PDE9A: variants seen among roughly 807,000 people sequenced by gnomAD.
The protein encoded by PDE9A is phosphodiesterase 9A, also known as high affinity cGMP-specific 3',5'-cyclic phosphodiesterase 9A.
PDE9A carries 60 observed loss-of-function variants against 87.4 expected under a neutral mutation model. That is an observed-to-expected ratio of 0.69 (90% CI 0.56 to 0.85). The LOEUF (loss-of-function observed/expected upper bound fraction) is 0.85. Among genes scored for constraint, PDE9A ranks in the 40% least tolerant of loss-of-function variants. PDE9A has a pLI of 0.00. For synonymous variants in PDE9A, 272 were observed against 279.4 expected (o/e 0.97, Z 0.27); for missense variants, 665 against 779.0 (o/e 0.85, Z 1.74).
intron 1 of PDE9A, among the ~76,000 whole-genome samples, chr21:42,684,118 G>A (rs147607531): frequency 5.8e-4 from 88 of 152,372 alleles, no homozygotes; most frequent in Middle Eastern, 3.4e-3. Context: ...GACCCACTGC[G>A]TGGGAATCCC....
intron 1 of PDE9A, among the ~76,000 whole-genome samples, chr21:42,681,129 C>A (rs1259874907): frequency 1.3e-5 from 2 of 152,226 alleles, no homozygotes; most frequent in African/African-American, 4.8e-5. Flanking sequence ...CTCACAGCCC[C>A]AAGGGGCAGG....
At chr21:42,674,593 CCCAGGAGGGG>C (rs2058744525) in intron 1 of PDE9A, among the ~76,000 whole-genome samples, 1 of 152,142 alleles carries the variant, frequency 6.6e-6, no homozygotes, top group Non-Finnish European at 1.5e-5. Flanking sequence ...CCCTTCCCTT[CCCAGGAGGGG>C]CCCCGCCTTG....
intron 8 of PDE9A, among the ~76,000 whole-genome samples, chr21:42,748,230 C>T (rs1298782475): frequency 6.6e-6 from 1 of 152,192 alleles, no homozygotes; most frequent in African/African-American, 2.4e-5. Flanking sequence ...TTTAACTACG[C>T]AGAAAACGTT....
intron 4 of PDE9A, among the ~76,000 whole-genome samples, chr21:42,710,637 G>C (rs2049246428): frequency 6.6e-6 from 1 of 152,154 alleles, no homozygotes; most frequent in Non-Finnish European, 1.5e-5. Flanking sequence ...TGTTGAACAT[G>C]TTGCTATGTC....
In PDE9A at chr21:42,670,641, AAACT is replaced by A. The variant is rs968743369; in HGVS notation, c.70-15549_70-15546del. ...CACATTCACACACACATACACTTAC[AAACT>A]ATCATTCACACACATACACACATAC... On this transcript the variant is annotated intron_variant, in intron 1 of 19. Transcript: ENST00000291539. 1.4e-4 allele frequency among the ~76,000 whole-genome samples: 21 copies of A among 151,516 alleles called. 1 individual carries two copies. The highest frequency in any genetic ancestry group is 3.9e-4 in the East Asian group (2 of 5,164).
rs115626446 is a variant in PDE9A at position 42,655,022 on chromosome 21, G to A, written c.69+1139G>A. Among the ~76,000 whole-genome samples, 1,229 of 152,278 alleles carry A rather than the reference G, an allele frequency of 8.1e-3. 14 individuals are homozygous for A. Among genetic ancestry groups the A allele is most frequent in the African/African-American group, 0.029 (1,186 of 41,544 alleles). The stretch of plus-strand genomic sequence containing the variant: ...ACTCCAGGACTAGGCGTCTGCAATT[G>A]CATGGGACTGTAACAGCCTCCTTTC... On this transcript the variant is annotated intron_variant, in intron 1 of 19. Transcript: ENST00000291539.
At chr21:42,729,974 C>T (rs557620874) in intron 4 of PDE9A, among the ~76,000 whole-genome samples, 15 of 152,322 alleles carry the variant, frequency 9.8e-5, no homozygotes, top group African/African-American at 3.4e-4. Flanking sequence ...ACATAGCACT[C>T]TGCTGCTGTT....
At chr21:42,687,827 T>G in intron 2 of PDE9A, 90 bp from the exon 3 acceptor site, 1 of 1,125,096 alleles carries the variant, frequency 8.9e-7, no homozygotes, top group Middle Eastern at 2.0e-4. Context: ...CTGTCCTGGT[T>G]GTCTCAGGGC....
At chr21:42,701,405 G>A (rs1188352995) in intron 4 of PDE9A, among the ~76,000 whole-genome samples, 1 of 149,498 alleles carries the variant, frequency 6.7e-6, no homozygotes, top group Non-Finnish European at 1.5e-5. Context: ...GCTTTTGTCT[G>A]AAAAAGCTTT....
chr21:42,714,615 T>A (rs544427105), intron 4 of PDE9A, among the ~76,000 whole-genome samples: 4 of 150,062 alleles, frequency 2.7e-5, no homozygotes, highest in South Asian at 2.1e-4. Context: ...CTACCAGTCT[T>A]TGTTGATATG....
intron 17 of PDE9A, among the ~76,000 whole-genome samples, chr21:42,769,722 A>ACACGTG (rs2056846585): frequency 6.7e-6 from 1 of 148,788 alleles, no homozygotes; most frequent in Non-Finnish European, 1.5e-5. Context: ...ACACGCAGGC[A>ACACGTG]CACACGTACA....
chr21:42,694,179 C>G lies in PDE9A; in HGVS notation c.219-4789C>G, dbSNP rs1430493665. ...CAGCCCTCTCCCTCTAGCTCAGAAG[C>G]TACGTCAGCAGTTGGTTGGTTGGTT... On this transcript the variant is annotated intron_variant, in intron 3 of 19. Coordinates refer to ENST00000291539, the MANE Select transcript of PDE9A (RefSeq NM_002606.3). This position sits in a 1 kb window ranked among gnomAD's most constrained non-coding sequence, Gnocchi z 5.3. 6.6e-6 allele frequency among the ~76,000 whole-genome samples: 1 copy of G among 152,190 alleles called. No homozygotes were observed. Among genetic ancestry groups the G allele is most frequent in the Admixed American group, 6.5e-5 (1 of 15,288 alleles).
At chr21:42,661,327 C>A (rs1055159925) in intron 1 of PDE9A, among the ~76,000 whole-genome samples, 4 of 144,802 alleles carry the variant, frequency 2.8e-5, no homozygotes, top group African/African-American at 5.7e-5. Context: ...CCACGCCCAG[C>A]CTTTTTTTTT....
At chr21:42,728,037 T>A (rs2051320156) in intron 4 of PDE9A, among the ~76,000 whole-genome samples, 2 of 152,170 alleles carry the variant, frequency 1.3e-5, no homozygotes, top group South Asian at 4.1e-4. Context: ...GTGTTCCATA[T>A]CCATATATCC....
Position 42,739,903 on chromosome 21 carries a change from A to G in PDE9A, c.569-3873A>G, listed in dbSNP as rs1240674773. ...TTATTTATCCTGCTCAGTATGATAA[A>G]TAGCATTTTCCTCGGGGGATAAAAA... On this transcript the variant is annotated intron_variant, in intron 7 of 19. Transcript: ENST00000291539. This position sits in a 1 kb window ranked among gnomAD's most constrained non-coding sequence, Gnocchi z 4.1. 6.6e-6 allele frequency among the ~76,000 whole-genome samples: 1 copy of G among 152,224 alleles called. No homozygotes were observed. The highest frequency in any genetic ancestry group is 1.5e-5 in the Non-Finnish European group (1 of 68,036).
At chr21:42,754,157 C>T in intron 10 of PDE9A, 93 bp downstream of exon 10, 3 of 676,410 alleles carry the variant, frequency 4.4e-6, no homozygotes, top group Non-Finnish European at 5.2e-6. Flanking sequence ...CTTCCTCCTT[C>T]TTGCTTTTTC....
rs769547069 is a variant in PDE9A, at chr21:42,686,203, C to A, written c.81C>A (p.Ser27Arg). Residue 27 changes from serine to arginine, a missense_variant, in exon 2 of 20, where the codon AGC becomes AGA. Physicochemically the swap from Ser to Arg is moderately radical, Grantham distance 110. Transcript: ENST00000291539. ...CTTCTGTTTTGCAGGTAATCTTCAG[C>A]AAGTACTGCAACTCCAGCGACATCA... ...IDGRIQKVIF[S>R]KYCNSSDIMD... 1 of 1,613,720 alleles carries A rather than the reference C, an allele frequency of 6.2e-7. No homozygotes were observed. The highest frequency in any genetic ancestry group is 8.5e-7 in the Non-Finnish European group (1 of 1,179,626).
intron 14 of PDE9A, among the ~76,000 whole-genome samples, chr21:42,762,497 C>T (rs1264709072): frequency 6.6e-6 from 1 of 152,204 alleles, no homozygotes; most frequent in Admixed American, 6.5e-5. Context: ...TTCACTGGCT[C>T]CCTTTGAGAT....
At chr21:42,688,232 G>A (rs1326146609) in intron 3 of PDE9A, among the ~76,000 whole-genome samples, 10 of 152,280 alleles carry the variant, frequency 6.6e-5, no homozygotes, top group Admixed American at 1.3e-4. Context: ...GCTTCTCAAC[G>A]GGAGGAGGCA....
Sources: gnomAD v4.1 joint callset for allele counts (sites outside exome capture counted in the v4.1 genomes callset) on GRCh38, gnomAD v4.1.1 for gene constraint, Gnocchi (gnomAD v3.1) non-coding constraint, MANE v1.5 for transcripts, NCBI Gene and HGNC (gene_info 2026-07-23, HGNC 2026-07-21) for gene names.